Variants in SRGAP3 observed in about 807,000 individuals in gnomAD.
SRGAP3 encodes the protein SLIT-ROBO Rho GTPase-activating protein 3.
A neutral mutation model predicts 121.1 loss-of-function variants in SRGAP3; 39 were observed. The observed-to-expected ratio is 0.32, with a 90% CI of 0.25 to 0.42. SRGAP3 has a LOEUF of 0.42. Ranked by LOEUF, SRGAP3 falls within the 10% of genes least tolerant of loss-of-function variation. SRGAP3 has a pLI of 1.00. For missense variants in SRGAP3, 1,213 were observed against 1,470.6 expected (o/e 0.82, Z 2.86); for synonymous variants, 601 against 570.0 (o/e 1.05, Z -0.77).
At chr3:9,023,187 G>A (rs1474345417) in intron 14 of SRGAP3, among the ~76,000 whole-genome samples, 2 of 152,202 alleles carry the variant, frequency 1.3e-5, no homozygotes, top group African/African-American at 4.8e-5. Flanking sequence ...AGGGTGACAA[G>A]GCATTCTGTA....
Position 9,249,108 on chromosome 3 carries a change from CCTT to C in SRGAP3, c.-160_-158del. 4.0e-6 allele frequency: 3 copies of C among 749,950 alleles called. No individual in the cohort carries two copies. The highest frequency in any genetic ancestry group is 6.9e-6 in the Non-Finnish European group (3 of 435,452). The allele number at this position is 749,950 out of a possible 1,614,324, so 46.5% of individuals were successfully genotyped here. A position where few individuals can be genotyped will look rare whatever the true frequency, so the allele number is the denominator to read the frequency against. On this transcript the variant is annotated 5_prime_UTR_variant, in exon 1 of 22. Coordinates refer to ENST00000383836, the MANE Select transcript of SRGAP3 (RefSeq NM_014850.4). ...TTGGCTGCAGAGCAGGGAGAAAAAT[CCTT>C]CTCCTTCTGGAAGGAAAAATCTCTT...
At chr3:9,210,015 A>C (rs866722566) in intron 1 of SRGAP3, among the ~76,000 whole-genome samples, 1 of 152,010 alleles carries the variant, frequency 6.6e-6, no homozygotes, top group African/African-American at 2.4e-5. Flanking sequence ...ACTTCAAAAA[A>C]CATTATGCTT....
At chr3:9,306,256 G>A (rs1955159699) in intron 3 of SRGAP3, among the ~76,000 whole-genome samples, 1 of 152,090 alleles carries the variant, frequency 6.6e-6, no homozygotes, top group South Asian at 2.1e-4. Context: ...TTTTTGATGG[G>A]GTTGTTTGAT....
At chr3:8,992,809 G>A in intron 20 of SRGAP3, 97 bp downstream of exon 20, 1 of 1,606,076 alleles carries the variant, frequency 6.2e-7, no homozygotes, top group Non-Finnish European at 8.5e-7. Context: ...AGGGGCTGCA[G>A]TAGGCTCCTT....
At chr3:9,246,252 A>C (rs1479665489) in intron 1 of SRGAP3, among the ~76,000 whole-genome samples, 1 of 152,246 alleles carries the variant, frequency 6.6e-6, no homozygotes, top group Non-Finnish European at 1.5e-5. Context: ...CACAAAGCAC[A>C]AAATCTGTCT....
At chr3:9,298,707 CA>C (rs1187651537) in intron 3 of SRGAP3, among the ~76,000 whole-genome samples, 1 of 152,126 alleles carries the variant, frequency 6.6e-6, no homozygotes, top group Non-Finnish European at 1.5e-5. Context: ...AGAGTGGTCA[CA>C]GGGAAAGACC....
intron 1 of SRGAP3, among the ~76,000 whole-genome samples, chr3:9,356,955 A>AT (rs1461926028): frequency 6.6e-6 from 1 of 152,062 alleles, no homozygotes; most frequent in African/African-American, 2.4e-5. Flanking sequence ...TGTAATTTGT[A>AT]TTTTTTTATA....
At chr3:9,188,101 C>T (rs1951653767) in intron 1 of SRGAP3, among the ~76,000 whole-genome samples, 1 of 152,166 alleles carries the variant, frequency 6.6e-6, no homozygotes, top group South Asian at 2.1e-4. Context: ...TAGCTGTACC[C>T]TTACCAAACG....
At chr3:9,353,768 CTT>C (rs2030332530) in intron 1 of SRGAP3, among the ~76,000 whole-genome samples, 1 of 152,170 alleles carries the variant, frequency 6.6e-6, no homozygotes, top group South Asian at 2.1e-4. Flanking sequence ...AGATACATCT[CTT>C]ATCTCTCAAT....
At chr3:9,298,834 T>C (rs900931892) in intron 3 of SRGAP3, among the ~76,000 whole-genome samples, 10 of 151,566 alleles carry the variant, frequency 6.6e-5, no homozygotes, top group African/African-American at 2.4e-4. Context: ...GGCAGATCAC[T>C]TGAGGCCAGG....
rs929609636 is a variant in SRGAP3, at chr3:8,983,063, G to A, written c.*2456C>T. On this transcript the variant is annotated 3_prime_UTR_variant, in exon 22 of 22. Coordinates refer to ENST00000383836, the MANE Select transcript of SRGAP3 (RefSeq NM_014850.4). ...TGGCAGATTGCTATATTTTGCCTGG[G>A]AGGCTACTGGATTTAGGATCTGGGA... The A allele has an allele frequency of 4.4e-6, 1 of 227,322 alleles. No homozygotes were observed. Among genetic ancestry groups the A allele is most frequent in the African/African-American group, 2.2e-5 (1 of 44,982 alleles). The allele number at this position is 227,322 out of a possible 1,614,324, so 14.1% of individuals were successfully genotyped here. A position where few individuals can be genotyped will look rare whatever the true frequency, so the allele number is the denominator to read the frequency against.
chr3:9,084,674 C>T (rs146929657), intron 3 of SRGAP3, among the ~76,000 whole-genome samples: 3 of 152,150 alleles, frequency 2.0e-5, no homozygotes, highest in South Asian at 2.1e-4. Context: ...TACCAGTTCC[C>T]GTAGCAAGCA....
chr3:9,357,197 A>G (rs1160847376), intron 1 of SRGAP3, among the ~76,000 whole-genome samples: 3 of 152,038 alleles, frequency 2.0e-5, no homozygotes, highest in African/African-American at 7.2e-5. Flanking sequence ...GTGAGCTGAG[A>G]TCGCACCACT....
chr3:9,113,499 G>T (rs912016281), intron 2 of SRGAP3, among the ~76,000 whole-genome samples: 1 of 152,072 alleles, frequency 6.6e-6, no homozygotes, highest in African/African-American at 2.4e-5. Flanking sequence ...ATTTTTATCT[G>T]ATTACTTCTA....
chr3:9,292,203 C>T (rs759628669), intron 3 of SRGAP3, among the ~76,000 whole-genome samples: 3 of 152,216 alleles, frequency 2.0e-5, no homozygotes, highest in Non-Finnish European at 4.4e-5. Context: ...TCAGAATCCC[C>T]CAGAGGGCCC....
chr3:9,131,421 G>T (rs1949440089), intron 1 of SRGAP3, among the ~76,000 whole-genome samples: 1 of 148,578 alleles, frequency 6.7e-6, no homozygotes, highest in Non-Finnish European at 1.5e-5. Context: ...CAGAGAAGGG[G>T]AAGATCTAAT....
chr3:9,287,860 C>G (rs1954802313), intron 3 of SRGAP3, among the ~76,000 whole-genome samples: 1 of 152,158 alleles, frequency 6.6e-6, no homozygotes, highest in South Asian at 2.1e-4. Flanking sequence ...GTCTTTCACT[C>G]TGATTGCTTT....
At chr3:9,016,042 T>G (rs1000373462) in intron 14 of SRGAP3, 31 of 401,914 alleles carry the variant, frequency 7.7e-5, no homozygotes, top group Admixed American at 3.8e-4. Flanking sequence ...GCTCCACTAT[T>G]TGAGATTATT....
intron 1 of SRGAP3, among the ~76,000 whole-genome samples, chr3:9,221,956 C>T (rs2125200942): frequency 6.6e-6 from 1 of 152,320 alleles, no homozygotes; most frequent in Non-Finnish European, 1.5e-5. Flanking sequence ...TGTGCCTGCT[C>T]AGCGCCTGGC....
Sources: gnomAD v4.1 joint callset for allele counts (sites outside exome capture counted in the v4.1 genomes callset) on GRCh38, gnomAD v4.1.1 for gene constraint, MANE v1.5 for transcripts, NCBI Gene and HGNC (gene_info 2026-07-23, HGNC 2026-07-21) for gene names.